The following MID2 variants were observed in gnomAD, a reference collection of about 807,000 sequenced individuals.
The protein encoded by MID2 is probable E3 ubiquitin-protein ligase MID2.
A neutral mutation model predicts 46.1 loss-of-function variants in MID2; 13 were observed. That is an observed-to-expected ratio of 0.28 (90% CI 0.18 to 0.45). The LOEUF is 0.45. MID2 is among the 20% of genes least tolerant of loss of function. The probability of loss-of-function intolerance (pLI) is 1.00; values close to 1 mark genes in which losing one functional copy is unlikely to be tolerated. For synonymous variants in MID2, 199 were observed against 212.3 expected, an observed-to-expected ratio of 0.94 and a Z score of 0.55; for missense variants, 431 against 575.4, an observed-to-expected ratio of 0.75 and a Z score of 2.57.
At chrX:107,863,478 C>T (rs1931898423) in intron 3 of MID2, among the ~76,000 whole-genome samples, 1 of 111,801 alleles carries the variant, frequency 8.9e-6, no homozygotes, top group African/African-American at 3.2e-5. Flanking sequence ...CATCCCTCCT[C>T]TAGTTCTCAT....
chrX:107,872,678 G>T (rs1300433586), intron 3 of MID2, among the ~76,000 whole-genome samples: 1 of 112,048 alleles, frequency 8.9e-6, no homozygotes, highest in Non-Finnish European at 1.9e-5. Context: ...TATAGAGGGA[G>T]AAAGGGAAGC....
rs933062688 is a variant in MID2 at position 107,882,992 on chromosome X, A to G, written c.817-20966A>G. 1.6e-4 allele frequency among the ~76,000 whole-genome samples: 18 copies of G among 112,266 alleles called. No individual in the cohort carries two copies. The East Asian group carries it at 5.0e-3, about 31-fold the overall frequency. On this transcript the variant is annotated intron_variant, in intron 3 of 9. Coordinates refer to ENST00000262843, the MANE Select transcript of MID2 (RefSeq NM_012216.4). ...ATAGACTGGATAAAGAAAACGTGGC[A>G]CATATACACCGTGGAATACTATGCA...
At chrX:107,886,469 T>G (rs1932456057) in intron 3 of MID2, among the ~76,000 whole-genome samples, 2 of 112,047 alleles carry the variant, frequency 1.8e-5, no homozygotes. Flanking sequence ...TCTGTTCTGT[T>G]CCATTGATCT....
chrX:107,909,813 T>C (rs1380045943), intron 5 of MID2, among the ~76,000 whole-genome samples: 1 of 112,622 alleles, frequency 8.9e-6, no homozygotes, highest in Non-Finnish European at 1.9e-5. Flanking sequence ...CACTGCCGTT[T>C]TGAATCCAGA....
chrX:107,904,459 C>T (rs1174442491), intron 4 of MID2, among the ~76,000 whole-genome samples: 1 of 111,535 alleles, frequency 9.0e-6, no homozygotes, highest in Non-Finnish European at 1.9e-5. Flanking sequence ...GTTGGGCAGC[C>T]ATTCTCGTTT....
chrX:107,832,983 T>C (rs1931122608), intron 1 of MID2, among the ~76,000 whole-genome samples: 1 of 111,949 alleles, frequency 8.9e-6, no homozygotes, highest in African/African-American at 3.2e-5. Context: ...CCTTTAGTTG[T>C]CCTCTGGAAC....
chrX:107,853,365 T>C (rs769505164), intron 2 of MID2, among the ~76,000 whole-genome samples: 3 of 111,541 alleles, frequency 2.7e-5, no homozygotes, highest in African/African-American at 9.8e-5. Context: ...AGTGGTGTGA[T>C]CCTGGCTCAC....
At chrX:107,908,317 C>T (rs1044497800) in intron 5 of MID2, among the ~76,000 whole-genome samples, 1 of 111,900 alleles carries the variant, frequency 8.9e-6, no homozygotes, top group Non-Finnish European at 1.9e-5. Flanking sequence ...ATTCCAATTA[C>T]ATGTATATTT....
At position 107,917,491 on chromosome X, in the gene MID2, C is replaced by T; in HGVS notation, c.1202-15C>T. 8.6e-7 allele frequency: 1 copy of T among 1,161,250 alleles called. No individual in the cohort carries two copies. Among genetic ancestry groups the T allele is most frequent in the Non-Finnish European group, 1.2e-6 (1 of 853,131 alleles). ...AGTATGCTTTCCTTACTTTCTTTTC[C>T]ACCTTTCCTTACAGCCCCAAACCCA... On this transcript the variant is annotated splice_polypyrimidine_tract_variant and intron_variant, in intron 6 of 9. Transcript: ENST00000262843.
At chrX:107,857,901 C>T (rs1931777184) in intron 3 of MID2, among the ~76,000 whole-genome samples, 1 of 111,854 alleles carries the variant, frequency 8.9e-6, no homozygotes, top group Non-Finnish European at 1.9e-5. Context: ...AGGATACCAG[C>T]TAAGGCGCTT....
At chrX:107,852,997 A>T (rs1931662710) in intron 2 of MID2, among the ~76,000 whole-genome samples, 1 of 111,461 alleles carries the variant, frequency 9.0e-6, no homozygotes, top group South Asian at 3.9e-4. Context: ...TTTATGGGGT[A>T]TTGGGATAGT....
intron 5 of MID2, 119 bp downstream of exon 5, chrX:107,905,745 G>T: frequency 1.7e-6 from 1 of 587,209 alleles, no homozygotes; most frequent in Non-Finnish European, 2.6e-6. Flanking sequence ...CAGTTAAGTA[G>T]TTATTGAGCC....
chrX:107,882,710 C>T (rs1192602769), intron 3 of MID2, among the ~76,000 whole-genome samples: 2 of 111,977 alleles, frequency 1.8e-5, no homozygotes, highest in Admixed American at 9.4e-5. Context: ...CCAACAGGTG[C>T]TGGAGAGGTT....
At chrX:107,849,384 G>A (rs781571115) in intron 2 of MID2, among the ~76,000 whole-genome samples, 2 of 110,634 alleles carry the variant, frequency 1.8e-5, no homozygotes, top group Non-Finnish European at 3.8e-5. Flanking sequence ...AATCTACCTC[G>A]CTTTAATAAA....
chrX:107,881,831 T>G (rs73529370), intron 3 of MID2, among the ~76,000 whole-genome samples: 2,106 of 112,470 alleles, frequency 0.019, 52 homozygotes, highest in African/African-American at 0.064. Context: ...GAACAAGCAT[T>G]AGATGAATGA....
At chrX:107,887,179 A>G (rs1344273432) in intron 3 of MID2, among the ~76,000 whole-genome samples, 1 of 111,792 alleles carries the variant, frequency 8.9e-6, no homozygotes, top group Non-Finnish European at 1.9e-5. Flanking sequence ...GAGTGGTGAG[A>G]GAGGGCATCC....
Position 107,926,898 on chromosome X carries a change from C to T in MID2, c.2033C>T (p.Thr678Ile). The T allele has an allele frequency of 8.3e-7, 1 of 1,211,066 alleles. No homozygotes were observed. Among genetic ancestry groups the T allele is most frequent in the African/African-American group, 1.7e-5 (1 of 57,773 alleles). ...YDPANSLHLH[T>I]FDVTFILPVC... Reference sequence around the variant, plus strand: ...CCAGCTAACTCTCTCCATCTTCATACTTTTGATGTGACCTTCATTCTTCCA... The same window carrying T: ...CCAGCTAACTCTCTCCATCTTCATATTTTTGATGTGACCTTCATTCTTCCA... Residue 678 changes from threonine (T) to isoleucine (I), a missense_variant, in exon 10 of 10, where the codon ACT becomes ATT. By Grantham distance (89) the Thr-to-Ile change is moderately conservative. Transcript: ENST00000262843.
At chrX:107,883,043 C>T (rs976432961) in intron 3 of MID2, among the ~76,000 whole-genome samples, 10 of 111,760 alleles carry the variant, frequency 8.9e-5, no homozygotes, top group East Asian at 8.3e-4. Flanking sequence ...GAGTTCCTGT[C>T]GTTTGCAGGG....
intron 3 of MID2, among the ~76,000 whole-genome samples, chrX:107,865,345 C>T (rs932776459): frequency 7.1e-5 from 8 of 112,482 alleles, no homozygotes; most frequent in Non-Finnish European, 1.3e-4. Flanking sequence ...TGATGATAAT[C>T]TCTCCAGAGC....
Sources: gnomAD v4.1 joint callset for allele counts (sites outside exome capture counted in the v4.1 genomes callset) on GRCh38, gnomAD v4.1.1 for gene constraint, MANE v1.5 for transcripts, NCBI Gene and HGNC (gene_info 2026-07-23, HGNC 2026-07-21) for gene names.